CD99: variants seen among roughly 807,000 people sequenced by gnomAD.
The protein encoded by CD99 is CD99 molecule (Xg blood group).
A neutral mutation model predicts 28.4 loss-of-function variants in CD99; 19 were observed. The ratio of observed to expected loss-of-function variants is 0.67; its 90% CI spans 0.47 to 0.98. The LOEUF (loss-of-function observed/expected upper bound fraction) is 0.98, where lower values mean the gene tolerates loss of function less well. Ranked by LOEUF, CD99 falls within the 50% of genes least tolerant of loss-of-function variation. The pLI, the probability that CD99 is intolerant of heterozygous loss-of-function variation, is 0.00. For synonymous variants in CD99, 103 were observed against 92.1 expected, an observed-to-expected ratio of 1.12 and a Z score of -0.67; for missense variants, 283 against 248.8, an observed-to-expected ratio of 1.14 and a Z score of -0.92.
rs183300694 is a variant in CD99 at position 2,696,461 on chromosome X, T to C, written c.67+5034T>C. Among the ~76,000 whole-genome samples, 89 of 152,282 alleles carry C rather than the reference T, an allele frequency of 5.8e-4. 1 individual carries two copies. Among genetic ancestry groups the C allele is most frequent in the Non-Finnish European group, 6.0e-4 (41 of 68,014 alleles). ...TTTTCCCCAGGCTGGAGTGCGATGG[T>C]GCGATCTCGGCTCACTGCAACCTCT... is the stretch of plus-strand genomic sequence containing the variant. On this transcript the variant is annotated intron_variant, in intron 1 of 9. Coordinates refer to ENST00000381192, the MANE Select transcript of CD99 (RefSeq NM_002414.5).
chrX:2,699,133 CTTTT>C (rs1569425743), intron 1 of CD99, among the ~76,000 whole-genome samples: 10 of 135,648 alleles, frequency 7.4e-5, no homozygotes, highest in African/African-American at 3.8e-4. Context: ...CTTTCCTCTT[CTTTT>C]CTTTTCTTTT....
rs531279481 is a variant in CD99, at chrX:2,716,297, A to G, written c.101-1308A>G. ...CTCCCAAAGTGCTGGGATGACAGGC[A>G]TGAGCCACTGAGCCCAGCCACCCTC... is the stretch of plus-strand genomic sequence containing the variant. On this transcript the variant is annotated intron_variant, in intron 2 of 9. Transcript: ENST00000381192. 1.4e-3 allele frequency among the ~76,000 whole-genome samples: 209 copies of G among 152,036 alleles called. 6 individuals carry two copies. In the South Asian group the frequency reaches 0.041, roughly 30 times the overall value.
intron 2 of CD99, among the ~76,000 whole-genome samples, chrX:2,716,170 C>G (rs1478464129): frequency 1.3e-5 from 2 of 152,042 alleles, no homozygotes; most frequent in Non-Finnish European, 2.9e-5. Context: ...AGGCATGCAC[C>G]ACCATGCCTA....
At chrX:2,698,424 T>C (rs181224438) in intron 1 of CD99, among the ~76,000 whole-genome samples, 1 of 151,966 alleles carries the variant, frequency 6.6e-6, no homozygotes, top group East Asian at 1.9e-4. Context: ...TCGCCTCAGC[T>C]TCCCAAAGTG....
At chrX:2,708,101 A>G (rs1440559726) in intron 1 of CD99, among the ~76,000 whole-genome samples, 1 of 152,064 alleles carries the variant, frequency 6.6e-6, no homozygotes, top group African/African-American at 2.4e-5. Flanking sequence ...ATCCATTTAT[A>G]TACACCTGGG....
chrX:2,727,030 G>A (rs1452656581), intron 8 of CD99, among the ~76,000 whole-genome samples: 2 of 152,266 alleles, frequency 1.3e-5, no homozygotes, highest in South Asian at 2.1e-4. Flanking sequence ...CCAGCTACTC[G>A]GAAGGCTGAG....
chrX:2,714,381 A>G, intron 1 of CD99, 41 bp from the exon 2 acceptor site: 1 of 1,471,624 alleles, frequency 6.8e-7, no homozygotes, highest in East Asian at 2.3e-5. Context: ...ATTTATTTTT[A>G]TTTTTCTTGT....
intron 1 of CD99, chrX:2,692,230 T>C: frequency 5.2e-6 from 2 of 383,318 alleles, no homozygotes; most frequent in Non-Finnish European, 9.4e-6. Flanking sequence ...TGGTATGTTA[T>C]AAATTCTTTT....
chrX:2,715,445 A>T (rs2048651146), intron 2 of CD99: 1 of 152,072 alleles, frequency 6.6e-6, no homozygotes, highest in Admixed American at 6.6e-5. Context: ...TTGTGGCCGC[A>T]TCACTCCAGT....
chrX:2,735,695 G>A (rs768552233), intron 8 of CD99, among the ~76,000 whole-genome samples: 4 of 152,312 alleles, frequency 2.6e-5, no homozygotes. Context: ...CACCCGTGTT[G>A]ACAACTTGTG....
intron 1 of CD99, chrX:2,692,022 G>C: frequency 1.4e-6 from 1 of 689,826 alleles, no homozygotes; most frequent in Non-Finnish European, 2.7e-6. Flanking sequence ...AAGCAACACG[G>C]GGCGCAGAAA....
intron 1 of CD99, among the ~76,000 whole-genome samples, chrX:2,707,124 G>T (rs756255313): frequency 2.6e-5 from 4 of 152,298 alleles, no homozygotes; most frequent in Non-Finnish European, 5.9e-5. Flanking sequence ...GATGCCCGGA[G>T]TTTGAGACCA....
chrX:2,726,342 C>G lies in CD99; in HGVS notation c.444C>G (p.Tyr148Ter), dbSNP rs755148886. Residue 148 changes from tyrosine to a stop codon, truncating the protein, a stop_gained, in exon 8 of 10, where the codon TAC (tyrosine) becomes TAG (stop). Coordinates refer to ENST00000381192, the MANE Select transcript of CD99 (RefSeq NM_002414.5). LOFTEE classifies it high-confidence loss of function. ...GAGCCATCTCTAGCTTCATTGCTTA[C>G]CAGAAAAAGAAGCTATGCTTCAAAG... ...VAGAISSFIA[Y>*]QKKKLCFKEN... 3.7e-6 allele frequency: 6 copies of G among 1,610,520 alleles called. No individual in the cohort carries two copies. The highest frequency in any genetic ancestry group is 5.1e-6 in the Non-Finnish European group (6 of 1,178,104).
chrX:2,722,588 G>A, intron 5 of CD99, 39 bp from the exon 6 acceptor site: 1 of 1,601,874 alleles, frequency 6.2e-7, no homozygotes, highest in Middle Eastern at 1.7e-4. Context: ...CCTTGGAGGA[G>A]TTCCAGGTTG....
intron 1 of CD99, among the ~76,000 whole-genome samples, chrX:2,713,691 C>T (rs958567112): frequency 8.5e-5 from 13 of 152,194 alleles, no homozygotes; most frequent in Middle Eastern, 3.2e-3. Flanking sequence ...CGCCACCCAC[C>T]GCCAGGTGCT....
chrX:2,727,367 A>G (rs763508780), intron 8 of CD99: 3 of 777,572 alleles, frequency 3.9e-6, no homozygotes, highest in Non-Finnish European at 7.2e-6. Context: ...GCTATTTGGA[A>G]CACAGCTAAC....
chrX:2,715,825 C>T (rs2048680598), intron 2 of CD99, among the ~76,000 whole-genome samples: 1 of 152,086 alleles, frequency 6.6e-6, no homozygotes, highest in South Asian at 2.1e-4. Flanking sequence ...TGGTCTCTTC[C>T]CTGTGTCTCC....
chrX:2,706,492 T>C (rs2048124855), intron 1 of CD99, among the ~76,000 whole-genome samples: 2 of 152,152 alleles, frequency 1.3e-5, no homozygotes, highest in African/African-American at 4.8e-5. Context: ...CCTGAAAGTT[T>C]CGTGTTTAGT....
chrX:2,720,484 G>T, intron 5 of CD99, 60 bp downstream of exon 5: 1 of 1,513,702 alleles, frequency 6.6e-7, no homozygotes, highest in Non-Finnish European at 9.2e-7. Flanking sequence ...CGATATTTAT[G>T]TCAGCTGAGA....
Sources: gnomAD v4.1 joint callset for allele counts (sites outside exome capture counted in the v4.1 genomes callset) on GRCh38, gnomAD v4.1.1 for gene constraint, MANE v1.5 for transcripts, NCBI Gene and HGNC (gene_info 2026-07-23, HGNC 2026-07-21) for gene names.